CTNND2: variants seen among roughly 807,000 people sequenced by gnomAD.
The protein encoded by CTNND2 is catenin delta-2.
In CTNND2, 22 loss-of-function variants were observed where a neutral mutation model predicts 144.4. That is an observed-to-expected ratio of 0.15 (90% CI 0.11 to 0.22). CTNND2 has a LOEUF of 0.22. Among genes scored for constraint, CTNND2 ranks in the 10% least tolerant of loss-of-function variants. The probability of loss-of-function intolerance (pLI) is 1.00; values close to 1 mark genes in which losing one functional copy is unlikely to be tolerated. For synonymous variants in CTNND2, 751 were observed against 695.6 expected, an observed-to-expected ratio of 1.08 and a Z score of -1.25; for missense variants, 1,353 against 1,618.8, an observed-to-expected ratio of 0.84 and a Z score of 2.82.
intron 7 of CTNND2, among the ~76,000 whole-genome samples, chr5:11,382,164 T>C (rs907006043): frequency 6.6e-6 from 1 of 152,192 alleles, no homozygotes; most frequent in Non-Finnish European, 1.5e-5. Flanking sequence ...CTCTTCCTAA[T>C]TAGAGCCTTC....
chr5:11,305,631 TGA>T (rs1220964737), intron 9 of CTNND2, among the ~76,000 whole-genome samples: 1 of 152,176 alleles, frequency 6.6e-6, no homozygotes. Context: ...CAGACTTAAG[TGA>T]CAGGGCTGCT....
chr5:11,391,446 C>T (rs182058829), intron 6 of CTNND2, among the ~76,000 whole-genome samples: 1 of 152,262 alleles, frequency 6.6e-6, no homozygotes, highest in Non-Finnish European at 1.5e-5. Context: ...ATGAAATGTT[C>T]CTATAATATA....
intron 2 of CTNND2, among the ~76,000 whole-genome samples, chr5:11,676,829 T>A (rs982350190): frequency 6.6e-6 from 1 of 152,228 alleles, no homozygotes; most frequent in African/African-American, 2.4e-5. Context: ...GCTTAGAACA[T>A]TTCTTATGAA....
intron 1 of CTNND2, among the ~76,000 whole-genome samples, chr5:11,841,802 C>G (rs1281196970): frequency 6.6e-6 from 1 of 151,502 alleles, no homozygotes; most frequent in Non-Finnish European, 1.5e-5. Context: ...TGACCCTGAG[C>G]CCTTCCATTC....
intron 9 of CTNND2, among the ~76,000 whole-genome samples, chr5:11,262,989 C>T (rs977826696): frequency 3.3e-5 from 5 of 151,916 alleles, no homozygotes; most frequent in African/African-American, 4.8e-5. Context: ...AACGAATTTC[C>T]GATGGCTCTC....
intron 16 of CTNND2, among the ~76,000 whole-genome samples, chr5:11,027,984 C>T (rs946949844): frequency 3.9e-5 from 6 of 152,184 alleles, no homozygotes; most frequent in African/African-American, 1.4e-4. Context: ...GTGCATACTA[C>T]CATTTGGTTT....
chr5:11,615,911 G>C (rs1047698658), intron 2 of CTNND2, among the ~76,000 whole-genome samples: 5 of 152,114 alleles, frequency 3.3e-5, no homozygotes, highest in Non-Finnish European at 7.4e-5. Flanking sequence ...CTGTGTGGTG[G>C]ACCATCAGAA....
At chr5:11,340,787 A>G (rs1303346910) in intron 9 of CTNND2, among the ~76,000 whole-genome samples, 1 of 152,208 alleles carries the variant, frequency 6.6e-6, no homozygotes, top group East Asian at 1.9e-4. Flanking sequence ...TGAAAGTCAG[A>G]TTTGGGTTCT....
chr5:11,736,353 C>T (rs761256856), intron 1 of CTNND2, among the ~76,000 whole-genome samples: 1 of 152,196 alleles, frequency 6.6e-6, no homozygotes, highest in African/African-American at 2.4e-5. Flanking sequence ...ACAGCAATAA[C>T]AGAAAGAGAA....
intron 3 of CTNND2, among the ~76,000 whole-genome samples, chr5:11,490,615 C>G (rs950576890): frequency 1.3e-5 from 2 of 152,154 alleles, no homozygotes; most frequent in Non-Finnish European, 2.9e-5. Context: ...TGCACCTGTA[C>G]AGACACATGC....
chr5:11,089,532 T>G (rs564747289), intron 15 of CTNND2, among the ~76,000 whole-genome samples: 2 of 152,314 alleles, frequency 1.3e-5, no homozygotes, highest in African/African-American at 4.8e-5. Context: ...TGGCCCACAG[T>G]TGGAGATTTT....
At chr5:11,726,210 G>A (rs1435674822) in intron 2 of CTNND2, among the ~76,000 whole-genome samples, 1 of 151,926 alleles carries the variant, frequency 6.6e-6, no homozygotes, top group African/African-American at 2.4e-5. Context: ...ATCAATCTAA[G>A]ATCAACAAAG....
chr5:11,690,189 A>C (rs1475026306), intron 2 of CTNND2, among the ~76,000 whole-genome samples: 1 of 152,242 alleles, frequency 6.6e-6, no homozygotes, highest in African/African-American at 2.4e-5. Context: ...AATGTGATGG[A>C]AGAGAATAGA....
At chr5:11,026,328 C>T (rs1742821415) in intron 16 of CTNND2, among the ~76,000 whole-genome samples, 1 of 150,796 alleles carries the variant, frequency 6.6e-6, no homozygotes, top group Admixed American at 6.6e-5. Flanking sequence ...TAGATGACTG[C>T]TCCAGCTGAC....
At chr5:11,207,715 G>T (rs1738199230) in intron 10 of CTNND2, among the ~76,000 whole-genome samples, 1 of 152,170 alleles carries the variant, frequency 6.6e-6, no homozygotes, top group Non-Finnish European at 1.5e-5. Context: ...CTTTAGCTTT[G>T]TAAGTCCTTG....
chr5:11,678,197 T>C (rs1784264039), intron 2 of CTNND2, among the ~76,000 whole-genome samples: 1 of 152,218 alleles, frequency 6.6e-6, no homozygotes, highest in Non-Finnish European at 1.5e-5. Context: ...TTTAGAAAAC[T>C]AATGTATCAG....
At chr5:11,032,563 A>G (rs957924885) in intron 16 of CTNND2, among the ~76,000 whole-genome samples, 5 of 152,218 alleles carry the variant, frequency 3.3e-5, no homozygotes, top group African/African-American at 1.2e-4. Context: ...AATGCTTGTT[A>G]ATGTGGGAAA....
At chr5:11,675,995 G>A (rs1784153836) in intron 2 of CTNND2, among the ~76,000 whole-genome samples, 1 of 151,602 alleles carries the variant, frequency 6.6e-6, no homozygotes, top group African/African-American at 2.4e-5. Context: ...CTCTGATAAG[G>A]GACAGACTGC....
intron 7 of CTNND2, among the ~76,000 whole-genome samples, chr5:11,375,591 T>C (rs1196130078): frequency 6.6e-6 from 1 of 152,232 alleles, no homozygotes; most frequent in Non-Finnish European, 1.5e-5. Context: ...GTATGTATAA[T>C]GATCATTTGA....
Sources: allele counts gnomAD v4.1 joint callset (sites outside exome capture counted in the v4.1 genomes callset), GRCh38; gene constraint gnomAD v4.1.1; transcripts MANE v1.5; gene names NCBI Gene and HGNC (gene_info 2026-07-23, HGNC 2026-07-21).